GRIK1: variants seen among roughly 807,000 people sequenced by gnomAD.
The protein encoded by GRIK1 is glutamate ionotropic receptor kainate type subunit 1.
GRIK1 carries 69 observed loss-of-function variants against 105.7 expected under a neutral mutation model. The ratio of observed to expected loss-of-function variants is 0.65; its 90% CI spans 0.54 to 0.80. The LOEUF (loss-of-function observed/expected upper bound fraction) is 0.80. Among genes scored for constraint, GRIK1 ranks in the 30% least tolerant of loss-of-function variants. The probability of loss-of-function intolerance (pLI) is 0.00; values close to 1 mark genes in which losing one functional copy is unlikely to be tolerated. For missense variants in GRIK1, 1,109 were observed against 1,167.3 expected, an observed-to-expected ratio of 0.95 and a Z score of 0.73; for synonymous variants, 438 against 431.3, an observed-to-expected ratio of 1.02 and a Z score of -0.19.
At chr21:29,541,983 A>G (rs2089979934) in intron 16 of GRIK1, among the ~76,000 whole-genome samples, 1 of 152,080 alleles carries the variant, frequency 6.6e-6, no homozygotes, top group African/African-American at 2.4e-5. Context: ...GTAATAAAGT[A>G]TGTTCTTGCC....
At chr21:29,578,910 A>T (rs928043679) in intron 13 of GRIK1, among the ~76,000 whole-genome samples, 1 of 151,044 alleles carries the variant, frequency 6.6e-6, no homozygotes, top group Non-Finnish European at 1.5e-5. Flanking sequence ...GGAAATAAAT[A>T]ACAATTAATA....
intron 1 of GRIK1, among the ~76,000 whole-genome samples, chr21:29,715,454 A>G (rs1426305768): frequency 6.6e-6 from 1 of 151,952 alleles, no homozygotes. Context: ...AATATTTAGT[A>G]ACCAAGATAA....
intron 1 of GRIK1, among the ~76,000 whole-genome samples, chr21:29,903,035 G>T (rs1041719559): frequency 2.8e-5 from 4 of 142,502 alleles, no homozygotes; most frequent in East Asian, 2.0e-4. Flanking sequence ...ATGGGGAAAA[G>T]ATTTCCTATT....
chr21:29,824,601 G>A (rs1014799969), intron 1 of GRIK1, among the ~76,000 whole-genome samples: 7 of 151,910 alleles, frequency 4.6e-5, no homozygotes, highest in African/African-American at 1.7e-4. Context: ...TGGGCTTTCT[G>A]GGGGAGAAAA....
At chr21:29,599,896 C>T (rs901068331) in intron 7 of GRIK1, among the ~76,000 whole-genome samples, 4 of 152,324 alleles carry the variant, frequency 2.6e-5, no homozygotes, top group African/African-American at 9.6e-5. Context: ...ACCATCCTGG[C>T]TAACACGGTG....
intron 1 of GRIK1, among the ~76,000 whole-genome samples, chr21:29,902,421 C>A (rs535922731): frequency 6.6e-6 from 1 of 152,302 alleles, no homozygotes; most frequent in Admixed American, 6.5e-5. Context: ...CCAAATTCTC[C>A]TTAAGCTGAT....
chr21:29,785,694 G>A (rs1056625914), intron 1 of GRIK1, among the ~76,000 whole-genome samples: 1 of 151,992 alleles, frequency 6.6e-6, no homozygotes, highest in Non-Finnish European at 1.5e-5. Flanking sequence ...TTGTTCCCTG[G>A]GCATAGATTC....
intron 14 of GRIK1, among the ~76,000 whole-genome samples, chr21:29,576,046 T>TC (rs2090885525): frequency 6.6e-6 from 1 of 152,004 alleles, no homozygotes; most frequent in African/African-American, 2.4e-5. Flanking sequence ...CTTTTTTTTT[T>TC]CCCAAAAAAA....
chr21:29,625,077 A>G (rs1291766932), intron 7 of GRIK1, among the ~76,000 whole-genome samples: 1 of 152,202 alleles, frequency 6.6e-6, no homozygotes, highest in African/African-American at 2.4e-5. Context: ...CCTTAAGTTA[A>G]TTGATGTGTC....
At chr21:29,802,286 C>T (rs551227391) in intron 1 of GRIK1, among the ~76,000 whole-genome samples, 1 of 152,224 alleles carries the variant, frequency 6.6e-6, no homozygotes, top group African/African-American at 2.4e-5. Flanking sequence ...CTCTTTATGT[C>T]TCTGACTACC....
chr21:29,538,066 AT>A (rs1425384811), intron 16 of GRIK1, among the ~76,000 whole-genome samples, 182 bp from the exon 17 acceptor site: 1 of 152,232 alleles, frequency 6.6e-6, no homozygotes. Flanking sequence ...TGATTAAAAA[AT>A]GTTCTACATA....
intron 3 of GRIK1, among the ~76,000 whole-genome samples, chr21:29,677,671 T>G (rs1461695358): frequency 3.3e-5 from 5 of 152,192 alleles, no homozygotes; most frequent in African/African-American, 1.2e-4. Context: ...GCTATTTAGA[T>G]TGCCCCTTTT....
chr21:29,814,345 T>A (rs1398863794), intron 1 of GRIK1, among the ~76,000 whole-genome samples: 1 of 152,048 alleles, frequency 6.6e-6, no homozygotes, highest in Non-Finnish European at 1.5e-5. Context: ...CATTTCTTCC[T>A]GTTTACTCAA....
intron 6 of GRIK1, among the ~76,000 whole-genome samples, chr21:29,650,006 C>T (rs1302347572): frequency 6.6e-6 from 1 of 152,204 alleles, no homozygotes; most frequent in African/African-American, 2.4e-5. Flanking sequence ...TATAATATTT[C>T]CCTGGATATT....
chr21:29,665,679 T>C (rs1337371944), intron 4 of GRIK1, among the ~76,000 whole-genome samples: 1 of 152,228 alleles, frequency 6.6e-6, no homozygotes. Flanking sequence ...TCAGAGCTGA[T>C]GGAAATATTA....
intron 1 of GRIK1, among the ~76,000 whole-genome samples, chr21:29,939,022 A>C (rs1048859738): frequency 6.6e-6 from 1 of 152,138 alleles, no homozygotes; most frequent in Non-Finnish European, 1.5e-5. Context: ...ACGCCCACCC[A>C]GGAGGCTGGG....
intron 12 of GRIK1, among the ~76,000 whole-genome samples, chr21:29,582,512 G>A (rs1280427904): frequency 6.6e-6 from 1 of 152,126 alleles, no homozygotes; most frequent in Non-Finnish European, 1.5e-5. Context: ...TATTTGTGAA[G>A]AGGAGGGAAT....
intron 1 of GRIK1, among the ~76,000 whole-genome samples, chr21:29,775,275 CAAAAAAAAAAAAAAA>C (rs66647707): frequency 1.3e-5 from 1 of 74,722 alleles, no homozygotes; most frequent in African/African-American, 4.8e-5. Context: ...GCCTCTGTCT[CAAAAAAAAAAAAAAA>C]AAAAAAAAGT....
intron 1 of GRIK1, among the ~76,000 whole-genome samples, chr21:29,890,048 A>G (rs999795322): frequency 6.6e-6 from 1 of 152,124 alleles, no homozygotes; most frequent in Non-Finnish European, 1.5e-5. Flanking sequence ...TTTATCTGTC[A>G]TTTGACAATA....
Sources: gnomAD v4.1 joint callset for allele counts (sites outside exome capture counted in the v4.1 genomes callset) on GRCh38, gnomAD v4.1.1 for gene constraint, MANE v1.5 for transcripts, NCBI Gene and HGNC (gene_info 2026-07-23, HGNC 2026-07-21) for gene names.